TOP1MT: variants seen among roughly 807,000 people sequenced by gnomAD.
TOP1MT encodes DNA topoisomerase I mitochondrial.
TOP1MT carries 80 observed loss-of-function variants against 73.9 expected under a neutral mutation model. The ratio of observed to expected loss-of-function variants is 1.08; its 90% CI spans 0.90 to 1.30. The LOEUF is 1.30. Among genes scored for constraint, TOP1MT ranks in the 50% most tolerant of loss-of-function variants. The pLI is 0.00. For missense variants in TOP1MT, 815 were observed against 808.0 expected (o/e 1.01, Z -0.10); for synonymous variants, 338 against 326.4 (o/e 1.04, Z -0.38).
At chr8:143,314,556 C>T (rs116797392) in intron 12 of TOP1MT, among the ~76,000 whole-genome samples, 2,554 of 147,994 alleles carry the variant, frequency 0.017, 67 homozygotes, top group African/African-American at 0.061. Flanking sequence ...ACCGCGCCAG[C>T]GCACTCCAGC....
chr8:143,336,488 GAAGA>G (rs2130377646), upstream of TOP1MT, among the ~76,000 whole-genome samples: 1 of 152,292 alleles, frequency 6.6e-6, no homozygotes, highest in South Asian at 2.1e-4. Context: ...TCATATGCCA[GAAGA>G]AAGACTGGAC....
At chr8:143,324,221 C>G (rs1816641164) in intron 6 of TOP1MT, 79 bp from the exon 7 acceptor site, 3 of 1,569,242 alleles carry the variant, frequency 1.9e-6, no homozygotes, top group Admixed American at 1.7e-5. Context: ...TCTCCCTCCC[C>G]CAAACCTCGT....
At chr8:143,359,536 GA>G (rs1817467744), upstream of TOP1MT, 3 of 581,582 alleles carry the variant, frequency 5.2e-6, no homozygotes, top group African/African-American at 2.0e-5. Context: ...GAGCGATGAG[GA>G]GGGGTGGGGC....
rs575607219 is a variant in TOP1MT at position 143,317,684 on chromosome 8, GC to G, written c.1330+38del. On this transcript the variant is annotated intron_variant, in intron 10 of 13. Transcript: ENST00000329245. Reference sequence around the variant, plus strand: ...GAGCCCGGTCTGGGGCAGGGGCCGTGCTCCCCCCGCGCTGAGTGTGGGTGTG... The same window carrying G: ...GAGCCCGGTCTGGGGCAGGGGCCGTGTCCCCCCGCGCTGAGTGTGGGTGTG... The G allele has an allele frequency of 4.1e-4, 594 of 1,450,262 alleles. 3 individuals are homozygous for G. In the African/African-American group the frequency reaches 0.012, roughly 31 times the overall value. 89.8% of individuals were successfully genotyped at this position (1,450,262 alleles called of 1,614,324 possible).
chr8:143,331,190 C>T (rs766403883), intron 2 of TOP1MT, 34 bp downstream of exon 2: 5 of 1,537,252 alleles, frequency 3.3e-6, no homozygotes, highest in Non-Finnish European at 4.5e-6. Context: ...GAACCAAGCG[C>T]AGGCTGGGGA....
chr8:143,351,087 G>A (rs1054907249), intron 1 of TOP1MT, among the ~76,000 whole-genome samples: 1 of 152,070 alleles, frequency 6.6e-6, no homozygotes, highest in South Asian at 2.1e-4. Context: ...TCATCACCCT[G>A]GCCTGCCTTC....
At chr8:143,312,984 G>A (rs189741357) in intron 12 of TOP1MT, among the ~76,000 whole-genome samples, 195 of 152,006 alleles carry the variant, frequency 1.3e-3, no homozygotes, top group African/African-American at 4.4e-3. Context: ...AGGCTGAGGC[G>A]GGAGGATTGC....
At chr8:143,320,847 C>CA (rs1049363332) in intron 8 of TOP1MT, among the ~76,000 whole-genome samples, 4 of 152,142 alleles carry the variant, frequency 2.6e-5, no homozygotes, top group Non-Finnish European at 5.9e-5. Flanking sequence ...CACCTTGACT[C>CA]AGACTCTGGC....
chr8:143,317,429 G>T (rs1303378160), intron 10 of TOP1MT, among the ~76,000 whole-genome samples: 3 of 152,222 alleles, frequency 2.0e-5, no homozygotes, highest in Non-Finnish European at 4.4e-5. Flanking sequence ...GAACCCTGAG[G>T]AGGAGCTGAG....
intron 2 of TOP1MT, among the ~76,000 whole-genome samples, chr8:143,342,809 G>C (rs1817150312): frequency 2.2e-5 from 1 of 46,344 alleles, no homozygotes; most frequent in African/African-American, 4.5e-5. Flanking sequence ...ATTAGAGACA[G>C]AGTCTCGCTC....
At chr8:143,354,667 G>A (rs1817377596) in intron 1 of TOP1MT, among the ~76,000 whole-genome samples, 1 of 151,768 alleles carries the variant, frequency 6.6e-6, no homozygotes, top group African/African-American at 2.4e-5. Context: ...AGCCGAGATA[G>A]TGCCATTGCA....
rs1424118693 is a variant in TOP1MT at position 143,323,634 on chromosome 8, C to T, written c.960+365G>A. Among the ~76,000 whole-genome samples the T allele has an allele frequency of 4.6e-5, 4 of 86,442 alleles. 2 individuals carry two copies. The highest frequency in any genetic ancestry group is 3.2e-4 in the Admixed American group (2 of 6,156). 56.7% of individuals were successfully genotyped at this position (86,442 alleles called of 152,430 possible). A position where few individuals can be genotyped will look rare whatever the true frequency, so the allele number is the denominator to read the frequency against. ...CACACACAGGCACGCCACACACGCA[C>T]GCCACACGCACGCCACACACATGCT... On this transcript the variant is annotated intron_variant, in intron 7 of 13. Transcript: ENST00000329245.
intron 2 of TOP1MT, among the ~76,000 whole-genome samples, chr8:143,342,811 G>T (rs1364006452): frequency 1.9e-5 from 1 of 51,506 alleles, no homozygotes; most frequent in Non-Finnish European, 5.9e-5. Flanking sequence ...TAGAGACAGA[G>T]TCTCGCTCTG....
rs369953420 is a variant in TOP1MT at position 143,321,233 on chromosome 8, G to A, written c.1114C>T (p.Arg372Cys). The A allele has an allele frequency of 6.2e-6, 10 of 1,610,730 alleles. No homozygotes were observed. The highest frequency in any genetic ancestry group is 1.6e-4 in the Middle Eastern group (1 of 6,072). The change falls in exon 8 of 14, where the codon CGC becomes TGC. Residue 372 changes from arginine to cysteine, a missense_variant. This residue lies in a region of TOP1MT where 751 missense variants were observed against 725.4 expected (regional missense o/e 1.04). Transcript: ENST00000329245. ...EFDFLGKDCI[R>C]YYNRVPVEKP... Reference sequence around the variant, plus strand: ...TCCACCGGCACTCTGTTGTAGTAGCGGATGCAGTCCTTCCCCAGGAAGTCA... The same window carrying A: ...TCCACCGGCACTCTGTTGTAGTAGCAGATGCAGTCCTTCCCCAGGAAGTCA...
upstream of TOP1MT, among the ~76,000 whole-genome samples, chr8:143,357,136 T>C (rs924205658): frequency 6.8e-5 from 10 of 146,910 alleles, no homozygotes; most frequent in Non-Finnish European, 1.2e-4. Context: ...GCACAGTGGC[T>C]TACACTTGTA....
At chr8:143,309,850 CT>C in intron 13 of TOP1MT, 1 of 1,535,962 alleles carries the variant, frequency 6.5e-7, no homozygotes, top group Non-Finnish European at 8.7e-7. Flanking sequence ...TCCCAGGCCA[CT>C]GTCAGCACCC....
At chr8:143,336,734 G>C (rs1005854749), upstream of TOP1MT, among the ~76,000 whole-genome samples, 1 of 152,182 alleles carries the variant, frequency 6.6e-6, no homozygotes, top group Non-Finnish European at 1.5e-5. Context: ...TGTAATCCAA[G>C]CACTTTGGGA....
chr8:143,320,075 G>C (rs1298742573), intron 8 of TOP1MT, among the ~76,000 whole-genome samples: 3 of 151,644 alleles, frequency 2.0e-5, no homozygotes, highest in Non-Finnish European at 4.4e-5. Context: ...AGTCAGCCAA[G>C]ATCTCACCAC....
intron 8 of TOP1MT, among the ~76,000 whole-genome samples, chr8:143,319,347 T>C (rs1040406320): frequency 4.6e-5 from 7 of 151,822 alleles, no homozygotes; most frequent in Admixed American, 2.6e-4. Flanking sequence ...TGGGCTGGAG[T>C]GCAGTGGCAC....
Sources: gnomAD v4.1 joint callset for allele counts (sites outside exome capture counted in the v4.1 genomes callset) on GRCh38, gnomAD v4.1.1 for gene constraint, gnomAD v4.1.1 regional missense constraint, MANE v1.5 for transcripts, NCBI Gene and HGNC (gene_info 2026-07-23, HGNC 2026-07-21) for gene names.